Variants in CMKLR2 observed in about 807,000 individuals in gnomAD.
CMKLR2 encodes the protein chemerin-like receptor 2.
Under a neutral mutation model 23.0 loss-of-function variants are expected in CMKLR2, and 18 were observed. The observed-to-expected ratio is 0.78, with a 90% CI of 0.54 to 1.16. The LOEUF (loss-of-function observed/expected upper bound fraction) is 1.16, where lower values mean the gene tolerates loss of function less well. Ranked by LOEUF, CMKLR2 falls within the 50% of genes most tolerant of loss-of-function variation. The pLI is 0.00. For missense variants in CMKLR2, 401 were observed against 412.7 expected, an observed-to-expected ratio of 0.97 and a Z score of 0.25; for synonymous variants, 158 against 158.9, an observed-to-expected ratio of 0.99 and a Z score of 0.05.
chr2:206,185,057 G>A (rs1046748343), intron 1 of CMKLR2, among the ~76,000 whole-genome samples: 3 of 151,958 alleles, frequency 2.0e-5, no homozygotes, highest in South Asian at 2.1e-4. Context: ...GCATGATCTC[G>A]ACTCACTGCA....
At chr2:206,197,382 C>T (rs1329123522) in intron 1 of CMKLR2, among the ~76,000 whole-genome samples, 2 of 152,118 alleles carry the variant, frequency 1.3e-5, no homozygotes, top group East Asian at 3.8e-4. Context: ...TCTGGGTTTT[C>T]TAAGGGCAAG....
rs1391857782 is a variant in CMKLR2, at chr2:206,189,133, A to T, written c.-28-11858T>A. ...TTCATGGATCACTGCAAAAATGTAC[A>T]CCTCACAGAATCTTAAGGCAGTTTA... On this transcript the variant is annotated intron_variant, in intron 1 of 1. Coordinates refer to ENST00000621141, the MANE Select transcript of CMKLR2 (RefSeq NM_001389445.1). Among the ~76,000 whole-genome samples the T allele has an allele frequency of 2.0e-5, 3 of 152,164 alleles. No individual in the cohort carries two copies. The East Asian group carries it at 5.8e-4, about 29-fold the overall frequency.
At chr2:206,197,529 C>A (rs892652505) in intron 1 of CMKLR2, among the ~76,000 whole-genome samples, 3 of 152,178 alleles carry the variant, frequency 2.0e-5, no homozygotes, top group Non-Finnish European at 2.9e-5. Flanking sequence ...TCCAACTAAA[C>A]CCCTTTGTAG....
At chr2:206,195,411 TTAA>T (rs557489617) in intron 1 of CMKLR2, among the ~76,000 whole-genome samples, 4 of 152,296 alleles carry the variant, frequency 2.6e-5, no homozygotes, top group African/African-American at 9.6e-5. Flanking sequence ...ATCCAGAAAG[TTAA>T]AAGTCTACCA....
At chr2:206,182,426 A>G (rs1202828843) in intron 1 of CMKLR2, among the ~76,000 whole-genome samples, 1 of 152,198 alleles carries the variant, frequency 6.6e-6, no homozygotes, top group Non-Finnish European at 1.5e-5. Flanking sequence ...TTAGACTGTG[A>G]ACTCTTTGAG....
chr2:206,198,776 TC>T (rs1174282960), intron 1 of CMKLR2, among the ~76,000 whole-genome samples: 2 of 152,220 alleles, frequency 1.3e-5, no homozygotes, highest in African/African-American at 2.4e-5. Flanking sequence ...CTTACTGCTT[TC>T]TTTTCCCCCC....
intron 1 of CMKLR2, among the ~76,000 whole-genome samples, chr2:206,185,039 G>A (rs534804828): frequency 6.6e-6 from 1 of 152,212 alleles, no homozygotes; most frequent in East Asian, 1.9e-4. Flanking sequence ...CTAGGCTGGA[G>A]TGCAGTGGCA....
intron 1 of CMKLR2, among the ~76,000 whole-genome samples, chr2:206,206,400 A>G (rs1461761313): frequency 6.6e-6 from 1 of 152,242 alleles, no homozygotes; most frequent in Non-Finnish European, 1.5e-5. Flanking sequence ...CAAATAATTT[A>G]TATCAACATG....
intron 1 of CMKLR2, among the ~76,000 whole-genome samples, chr2:206,177,530 G>A (rs1238135618): frequency 6.6e-6 from 1 of 151,972 alleles, no homozygotes; most frequent in East Asian, 1.9e-4. Flanking sequence ...AGGACCACAG[G>A]TGCTCATGAC....
chr2:206,186,658 A>T (rs1382596070), intron 1 of CMKLR2, among the ~76,000 whole-genome samples: 1 of 151,980 alleles, frequency 6.6e-6, no homozygotes, highest in African/African-American at 2.4e-5. Flanking sequence ...TTGAGGAGGA[A>T]CTCTTACCCC....
intron 1 of CMKLR2, among the ~76,000 whole-genome samples, chr2:206,198,794 T>C (rs963071640): frequency 1.3e-5 from 2 of 152,168 alleles, no homozygotes; most frequent in African/African-American, 2.4e-5. Flanking sequence ...CCCCAGGAAA[T>C]ATTCTATTCA....
At chr2:206,217,379 C>T (rs983233934), upstream of CMKLR2, 18 of 152,262 alleles carry the variant, frequency 1.2e-4, no homozygotes, top group African/African-American at 4.1e-4. Flanking sequence ...GGCTCAGTAG[C>T]CCTGGGGGTC....
chr2:206,197,638 T>A (rs1160338567), intron 1 of CMKLR2, among the ~76,000 whole-genome samples: 1 of 152,176 alleles, frequency 6.6e-6, no homozygotes, highest in Non-Finnish European at 1.5e-5. Flanking sequence ...TGACCCACTA[T>A]CACATCTTGA....
intron 1 of CMKLR2, among the ~76,000 whole-genome samples, chr2:206,187,054 A>G (rs1034669149): frequency 2.0e-5 from 3 of 152,114 alleles, no homozygotes; most frequent in Non-Finnish European, 4.4e-5. Context: ...TTTTCCAAAA[A>G]AGAGAATGAA....
intron 1 of CMKLR2, among the ~76,000 whole-genome samples, chr2:206,203,005 C>T (rs1232991664): frequency 6.6e-6 from 1 of 151,904 alleles, no homozygotes; most frequent in Non-Finnish European, 1.5e-5. Flanking sequence ...TAGGCACAAA[C>T]TTGAACCTTG....
In CMKLR2 at chr2:206,177,055, A is replaced by G. The variant is rs1060384; in HGVS notation, c.193T>C (p.Phe65Leu). The change falls in exon 2 of 2, where the codon TTC (phenylalanine) becomes CTC (leucine). Residue 65 changes from phenylalanine (F) to leucine (L), a missense_variant. Physicochemically the swap from Phe to Leu is conservative, Grantham distance 22. Coordinates refer to ENST00000621141, the MANE Select transcript of CMKLR2 (RefSeq NM_001389445.1). Reference sequence around the variant, plus strand: ...GTGGTGACTGTCTTCTTCCACTTGAACCCCGTGAACCAAATGACGATGGCA... The same window carrying G: ...GTGGTGACTGTCTTCTTCCACTTGAGCCCCGTGAACCAAATGACGATGGCA... ...GNAIVIWFTGFKWKKTVTTLW... is the reference protein window; with the variant it reads ...GNAIVIWFTGLKWKKTVTTLW... 6.3e-4 allele frequency: 1,018 copies of G among 1,614,086 alleles called. 10 individuals are homozygous for G. The East Asian group carries it at 0.019, about 30-fold the overall frequency.
chr2:206,193,194 G>A (rs191029566), intron 1 of CMKLR2, among the ~76,000 whole-genome samples: 3 of 152,256 alleles, frequency 2.0e-5, no homozygotes, highest in South Asian at 2.1e-4. Context: ...CACCTCCTGG[G>A]TTCAAGTGAT....
In CMKLR2 at chr2:206,207,728, C is replaced by CTTTTTTTTTTTTTTTTTTTTTTTTTT. The variant is rs71034423; in HGVS notation, c.-29+5553_-29+5578dup. On this transcript the variant is annotated intron_variant, in intron 1 of 1. Coordinates refer to ENST00000621141, the MANE Select transcript of CMKLR2 (RefSeq NM_001389445.1). ...ATCTGGGTCTGTCTGACCTCAGGGC[C>CTTTTTTTTTTTTTTTTTTTTTTTTTT]TTTTTTTTTTTTTTTTTTTTTTTTT... Among the ~76,000 whole-genome samples the CTTTTTTTTTTTTTTTTTTTTTTTTTT allele has an allele frequency of 4.1e-4, 18 of 43,574 alleles. 5 individuals carry two copies. Among genetic ancestry groups the CTTTTTTTTTTTTTTTTTTTTTTTTTT allele is most frequent in the African/African-American group, 9.8e-4 (8 of 8,136 alleles). 28.6% of individuals were successfully genotyped at this position (43,574 alleles called of 152,430 possible).
chr2:206,205,612 T>A (rs1689284766), intron 1 of CMKLR2, among the ~76,000 whole-genome samples: 2 of 151,862 alleles, frequency 1.3e-5, no homozygotes, highest in South Asian at 4.2e-4. Context: ...GCTCAAGTGA[T>A]CTTCTTGCCT....
Sources: allele counts gnomAD v4.1 joint callset (sites outside exome capture counted in the v4.1 genomes callset), GRCh38; gene constraint gnomAD v4.1.1; transcripts MANE v1.5; gene names NCBI Gene and HGNC (gene_info 2026-07-23, HGNC 2026-07-21).